Variants in CACNA1E observed in about 807,000 individuals in gnomAD.
CACNA1E encodes calcium voltage-gated channel subunit alpha1 E, also known as voltage-dependent R-type calcium channel subunit alpha-1E.
A neutral mutation model predicts 259.2 loss-of-function variants in CACNA1E; 40 were observed. That is an observed-to-expected ratio of 0.15 (90% CI 0.12 to 0.20). The LOEUF is 0.20. Among genes scored for constraint, CACNA1E ranks in the 10% least tolerant of loss-of-function variants. The pLI, the probability that CACNA1E is intolerant of heterozygous loss-of-function variation, is 1.00. For missense variants in CACNA1E, 1,874 were observed against 3,040.1 expected, an observed-to-expected ratio of 0.62 and a Z score of 9.02; for synonymous variants, 1,104 against 1,138.5, an observed-to-expected ratio of 0.97 and a Z score of 0.61.
In CACNA1E at chr1:181,795,029, C is replaced by G. The variant is rs753214686; in HGVS notation, c.6193C>G (p.Leu2065Val). 10 of 1,613,832 alleles carry G rather than the reference C, an allele frequency of 6.2e-6. 1 individual carries two copies. Among genetic ancestry groups the G allele is most frequent in the Admixed American group, 5.0e-5 (3 of 59,996 alleles). ...HSSLRLSAHR[L>V]NSDSGHKSDT... ...CTCCTTGCGGCTGTCAGCCCACCGC[C>G]TGAACTCTGATTCAGGTGAGGAGGT... The change falls in exon 46 of 48, where the codon CTG becomes GTG. Residue 2065 changes from leucine (L) to valine (V), a missense_variant. Physicochemically the swap from Leu to Val is conservative, Grantham distance 32 (BLOSUM62 1). This residue lies in a region of CACNA1E where 542 missense variants were observed against 587.2 expected (regional missense o/e 0.92). Coordinates refer to ENST00000367573, the MANE Select transcript of CACNA1E (RefSeq NM_001205293.3).
At chr1:181,588,962 C>G (rs1652362395) in intron 6 of CACNA1E, among the ~76,000 whole-genome samples, 1 of 152,194 alleles carries the variant, frequency 6.6e-6, no homozygotes, top group Non-Finnish European at 1.5e-5. Context: ...ATATGGCACA[C>G]TAGGAAAGCC....
chr1:181,744,268 A>G lies in CACNA1E; in HGVS notation c.3719+5015A>G, dbSNP rs76008488. Among the ~76,000 whole-genome samples the G allele has an allele frequency of 4.3e-4, 66 of 152,354 alleles. No individual in the cohort carries two copies. In the East Asian group the frequency reaches 0.013, roughly 29 times the overall value. On this transcript the variant is annotated intron_variant, in intron 25 of 47. Transcript: ENST00000367573. ...GCAGTAGCTGTAGCAGCAGAGTTAT[A>G]TACACAGGCATGGACAATTTTAGAT...
chr1:181,478,021 T>C (rs1019057098), intron 2 of CACNA1E, among the ~76,000 whole-genome samples: 12 of 152,210 alleles, frequency 7.9e-5, no homozygotes, highest in Non-Finnish European at 1.5e-4. Context: ...TGACATGCAG[T>C]ATGTTAATAA....
intron 46 of CACNA1E, among the ~76,000 whole-genome samples, chr1:181,796,241 C>CT (rs1215169660): frequency 1.3e-5 from 2 of 152,156 alleles, no homozygotes; most frequent in Admixed American, 1.3e-4. Flanking sequence ...AGCCAGGATT[C>CT]TTTTAGGGGC....
intron 2 of CACNA1E, among the ~76,000 whole-genome samples, chr1:181,462,592 T>C (rs1661890985): frequency 6.6e-6 from 1 of 152,216 alleles, no homozygotes; most frequent in Non-Finnish European, 1.5e-5. Context: ...AATACAATGT[T>C]ACAGATGCAT....
intron 1 of CACNA1E, among the ~76,000 whole-genome samples, chr1:181,330,398 A>G (rs1185508560): frequency 6.6e-6 from 1 of 152,118 alleles, no homozygotes; most frequent in African/African-American, 2.4e-5. Context: ...CACCTCAGAA[A>G]TGTCAAAACA....
At chr1:181,783,544 G>C (rs552894172) in intron 39 of CACNA1E, 135 bp from the exon 40 acceptor site, 1 of 574,868 alleles carries the variant, frequency 1.7e-6, no homozygotes, top group East Asian at 2.8e-5. Flanking sequence ...GAGAAGGACT[G>C]GGGCAGGGGA....
chr1:181,383,865 C>A (rs930926565), intron 1 of CACNA1E, among the ~76,000 whole-genome samples: 1 of 152,200 alleles, frequency 6.6e-6, no homozygotes, highest in African/African-American at 2.4e-5. Context: ...CCTCCTACAT[C>A]ATCATCCAGG....
intron 18 of CACNA1E, among the ~76,000 whole-genome samples, chr1:181,729,973 A>G (rs1358914305): frequency 6.6e-6 from 1 of 151,966 alleles, no homozygotes; most frequent in Non-Finnish European, 1.5e-5. Flanking sequence ...ATTGCAGGTC[A>G]CTGATGCTGA....
Position 181,801,870 on chromosome 1 carries a change from T to C in CACNA1E, c.*3036T>C, listed in dbSNP as rs1256945046. On this transcript the variant is annotated 3_prime_UTR_variant, in exon 48 of 48. Transcript: ENST00000367573. ...GCTAATATATGACTCGTCTTCACCA[T>C]CTCCTCAAAACAAGAGCAAAGCCAA... 1.3e-5 allele frequency: 2 copies of C among 152,050 alleles called. No individual in the cohort carries two copies. Among genetic ancestry groups the C allele is most frequent in the African/African-American group, 4.8e-5 (2 of 41,376 alleles). 9.4% of individuals were successfully genotyped at this position (152,050 alleles called of 1,614,324 possible).
chr1:181,546,668 G>A (rs1647509010), intron 3 of CACNA1E, among the ~76,000 whole-genome samples: 1 of 152,134 alleles, frequency 6.6e-6, no homozygotes, highest in South Asian at 2.1e-4. Context: ...CTGCTGCGGT[G>A]ATAAACACAC....
chr1:181,405,803 G>A (rs1169354629), intron 1 of CACNA1E, among the ~76,000 whole-genome samples: 1 of 152,186 alleles, frequency 6.6e-6, no homozygotes, highest in Non-Finnish European at 1.5e-5. Context: ...GGCCTTGCCT[G>A]TAAGCCTCAT....
chr1:181,408,989 A>T (rs1354611210), intron 1 of CACNA1E, among the ~76,000 whole-genome samples: 2 of 150,942 alleles, frequency 1.3e-5, no homozygotes, highest in African/African-American at 2.4e-5. Context: ...TATTTTTGCC[A>T]GGTTCTCTGT....
intron 1 of CACNA1E, among the ~76,000 whole-genome samples, chr1:181,495,531 G>A (rs1033830685): frequency 3.3e-5 from 5 of 152,188 alleles, no homozygotes; most frequent in African/African-American, 1.2e-4. Context: ...TTAGTATATG[G>A]TTAATTTCAG....
intron 3 of CACNA1E, among the ~76,000 whole-genome samples, chr1:181,533,444 C>CAT (rs940311126): frequency 6.6e-5 from 10 of 150,588 alleles, no homozygotes; most frequent in Non-Finnish European, 1.0e-4. Context: ...ACCAAATTCC[C>CAT]ATATATATGT....
intron 2 of CACNA1E, among the ~76,000 whole-genome samples, chr1:181,451,398 A>T (rs565444626): frequency 1.3e-5 from 2 of 152,302 alleles, no homozygotes; most frequent in Admixed American, 1.3e-4. Flanking sequence ...GAAAGAGGTT[A>T]TAGCCAACCA....
intron 2 of CACNA1E, among the ~76,000 whole-genome samples, chr1:181,454,730 C>T (rs1661356678): frequency 6.6e-6 from 1 of 152,218 alleles, no homozygotes; most frequent in Non-Finnish European, 1.5e-5. Flanking sequence ...AATTTCTTAA[C>T]TCCCTCCTGC....
intron 7 of CACNA1E, among the ~76,000 whole-genome samples, chr1:181,664,149 A>G (rs1647966265): frequency 1.3e-5 from 2 of 152,228 alleles, no homozygotes; most frequent in South Asian, 4.1e-4. Flanking sequence ...TGGGCAAGTG[A>G]CATGCCCTAA....
intron 27 of CACNA1E, among the ~76,000 whole-genome samples, chr1:181,753,064 G>A (rs1558346920): frequency 6.6e-6 from 1 of 152,196 alleles, no homozygotes; most frequent in Non-Finnish European, 1.5e-5. Context: ...GCACTGCCAG[G>A]GAGAGGACCA....
Sources: gnomAD v4.1 joint callset for allele counts (sites outside exome capture counted in the v4.1 genomes callset) on GRCh38, gnomAD v4.1.1 for gene constraint, gnomAD v4.1.1 regional missense constraint, MANE v1.5 for transcripts, NCBI Gene and HGNC (gene_info 2026-07-23, HGNC 2026-07-21) for gene names.